Variants in DENND1B observed in about 807,000 individuals in gnomAD.
The protein encoded by DENND1B is DENN domain containing 1B.
In DENND1B, 59 loss-of-function variants were observed where a neutral mutation model predicts 90.1. That is an observed-to-expected ratio of 0.65 (90% CI 0.53 to 0.81). The LOEUF (loss-of-function observed/expected upper bound fraction) is 0.81, where lower values mean the gene tolerates loss of function less well. Ranked by LOEUF, DENND1B falls within the 40% of genes least tolerant of loss-of-function variation. DENND1B has a pLI of 0.00. For synonymous variants in DENND1B, 337 were observed against 324.6 expected, an observed-to-expected ratio of 1.04 and a Z score of -0.41; for missense variants, 862 against 912.6, an observed-to-expected ratio of 0.94 and a Z score of 0.71.
At chr1:197,738,514 A>G (rs969291659) in intron 2 of DENND1B, among the ~76,000 whole-genome samples, 2 of 152,214 alleles carry the variant, frequency 1.3e-5, no homozygotes, top group African/African-American at 4.8e-5. Context: ...TGGGTTATTA[A>G]CTGTGAAACA....
intron 18 of DENND1B, among the ~76,000 whole-genome samples, chr1:197,544,973 A>AGG (rs1670668222): frequency 2.7e-4 from 1 of 3,726 alleles, no homozygotes; most frequent in South Asian, 0.019. Flanking sequence ...GAGAAGGAGG[A>AGG]AGGAGGAAGG....
chr1:197,702,399 T>A (rs1199357011), intron 3 of DENND1B, among the ~76,000 whole-genome samples: 1 of 152,158 alleles, frequency 6.6e-6, no homozygotes, highest in African/African-American at 2.4e-5. Context: ...TAAGCAACTA[T>A]GACACGTTAA....
In DENND1B at chr1:197,769,009, C is replaced by T. The variant is rs1002359594; in HGVS notation, c.82+3859G>A. On this transcript the variant is annotated intron_variant, in intron 2 of 22. Transcript: ENST00000620048. The stretch of plus-strand genomic sequence containing the variant: ...ACACTGTTAACTAAAATTTAATTAA[C>T]AACCTGTCTCTGAAGATACTTATCT... Among the ~76,000 whole-genome samples the T allele has an allele frequency of 9.2e-5, 14 of 152,218 alleles. No homozygotes were observed. The South Asian group carries it at 2.9e-3, about 32-fold the overall frequency.
intron 2 of DENND1B, among the ~76,000 whole-genome samples, chr1:197,726,677 G>A (rs1661666840): frequency 6.6e-6 from 1 of 152,166 alleles, no homozygotes; most frequent in African/African-American, 2.4e-5. Flanking sequence ...GTACTTATGA[G>A]ATACCCCTGG....
At chr1:197,684,930 A>G (rs906161862) in intron 3 of DENND1B, among the ~76,000 whole-genome samples, 1 of 152,144 alleles carries the variant, frequency 6.6e-6, no homozygotes, top group Admixed American at 6.6e-5. Context: ...CAGCCTGGGC[A>G]ACATGGTAAA....
At chr1:197,765,986 T>C (rs1011862736) in intron 2 of DENND1B, among the ~76,000 whole-genome samples, 2 of 152,164 alleles carry the variant, frequency 1.3e-5, no homozygotes, top group Non-Finnish European at 2.9e-5. Flanking sequence ...AGTACATATA[T>C]TCTCAACTAT....
chr1:197,652,770 T>C (rs889658506), intron 6 of DENND1B, among the ~76,000 whole-genome samples: 8 of 152,250 alleles, frequency 5.3e-5, no homozygotes, highest in South Asian at 2.1e-4. Flanking sequence ...TGAAGTGCAA[T>C]GTAGAGGTTA....
intron 20 of DENND1B, among the ~76,000 whole-genome samples, chr1:197,516,907 G>C (rs1192994206): frequency 1.3e-5 from 2 of 151,778 alleles, no homozygotes; most frequent in East Asian, 3.9e-4. Context: ...ATTGGGTATA[G>C]TGACTTATCC....
At chr1:197,542,702 T>C (rs1289825855) in intron 18 of DENND1B, among the ~76,000 whole-genome samples, 3 of 152,140 alleles carry the variant, frequency 2.0e-5, no homozygotes, top group South Asian at 2.1e-4. Context: ...AGAAGGAATT[T>C]CAGAGTACAC....
chr1:197,542,781 CT>C (rs931229308), intron 18 of DENND1B, among the ~76,000 whole-genome samples: 12 of 152,216 alleles, frequency 7.9e-5, no homozygotes, highest in African/African-American at 2.9e-4. Context: ...GAATGACTGA[CT>C]TACCTGCCCC....
intron 11 of DENND1B, among the ~76,000 whole-genome samples, chr1:197,613,461 T>A (rs1677363121): frequency 6.6e-6 from 1 of 150,702 alleles, no homozygotes; most frequent in Non-Finnish European, 1.5e-5. Flanking sequence ...CCATCTGGAA[T>A]TGATCTGATA....
At chr1:197,617,599 TA>T in intron 11 of DENND1B, 59 bp downstream of exon 11, 1 of 1,268,440 alleles carries the variant, frequency 7.9e-7, no homozygotes, top group Non-Finnish European at 1.1e-6. Context: ...AGTTCACAAA[TA>T]AACAGATAAT....
chr1:197,610,063 T>C (rs958031820), intron 12 of DENND1B, among the ~76,000 whole-genome samples: 2 of 150,818 alleles, frequency 1.3e-5, no homozygotes, highest in African/African-American at 4.8e-5. Flanking sequence ...CTGAATGATA[T>C]CCAATTGTTT....
At chr1:197,540,156 T>C in intron 19 of DENND1B, 85 bp from the exon 20 acceptor site, 2 of 867,032 alleles carry the variant, frequency 2.3e-6, no homozygotes, top group Non-Finnish European at 3.5e-6. Flanking sequence ...AAGTATCTGA[T>C]ATACATACAA....
At chr1:197,573,191 G>A (rs1673340196) in intron 15 of DENND1B, among the ~76,000 whole-genome samples, 1 of 152,060 alleles carries the variant, frequency 6.6e-6, no homozygotes, top group Non-Finnish European at 1.5e-5. Flanking sequence ...GCTTTTGAAT[G>A]TGTTTGCTCT....
chr1:197,535,054 G>T (rs576804974), intron 20 of DENND1B, among the ~76,000 whole-genome samples: 1 of 152,326 alleles, frequency 6.6e-6, no homozygotes, highest in South Asian at 2.1e-4. Flanking sequence ...AAAGGCAGCA[G>T]ACTATGGCTG....
chr1:197,551,639 G>A (rs576409885), intron 16 of DENND1B, among the ~76,000 whole-genome samples: 1 of 152,200 alleles, frequency 6.6e-6, no homozygotes, highest in African/African-American at 2.4e-5. Context: ...AAGGATCATA[G>A]TTCTAGCCTC....
intron 10 of DENND1B, among the ~76,000 whole-genome samples, chr1:197,635,092 A>C (rs1414020657): frequency 6.6e-6 from 1 of 152,240 alleles, no homozygotes; most frequent in Non-Finnish European, 1.5e-5. Context: ...AAGGTTTACA[A>C]AGAAACTTTC....
chr1:197,749,180 T>C (rs2102402504), intron 2 of DENND1B, among the ~76,000 whole-genome samples: 1 of 151,864 alleles, frequency 6.6e-6, no homozygotes, highest in African/African-American at 2.4e-5. Context: ...ACACATGAAC[T>C]GTGTCCCCAA....
Sources: allele counts gnomAD v4.1 joint callset (sites outside exome capture counted in the v4.1 genomes callset), GRCh38; gene constraint gnomAD v4.1.1; transcripts MANE v1.5; gene names NCBI Gene and HGNC (gene_info 2026-07-23, HGNC 2026-07-21).